The following NUP210 variants were observed in gnomAD, a reference collection of about 807,000 sequenced individuals.
NUP210 encodes the protein nucleoporin 210.
Under a neutral mutation model 196.0 loss-of-function variants are expected in NUP210, and 151 were observed. The ratio of observed to expected loss-of-function variants is 0.77; its 90% CI spans 0.67 to 0.88. The LOEUF (loss-of-function observed/expected upper bound fraction) is 0.88. Ranked by LOEUF, NUP210 falls within the 40% of genes least tolerant of loss-of-function variation. The pLI is 0.00. For synonymous variants in NUP210, 1,070 were observed against 1,052.7 expected, an observed-to-expected ratio of 1.02 and a Z score of -0.32; for missense variants, 2,314 against 2,493.7, an observed-to-expected ratio of 0.93 and a Z score of 1.53.
chr3:13,392,477 A>G lies in NUP210; in HGVS notation c.437-1170T>C, dbSNP rs141556576. ...AGGATTTTGAGCAAATGAAAACTCT[A>G]TGGTTTCCTGAAAATTAATCTGTCT... is the stretch of plus-strand genomic sequence containing the variant. On this transcript the variant is annotated intron_variant, in intron 3 of 39. Coordinates refer to ENST00000254508, the MANE Select transcript of NUP210 (RefSeq NM_024923.4). Among the ~76,000 whole-genome samples, 3 of 152,320 alleles carry G rather than the reference A, an allele frequency of 2.0e-5. No individual in the cohort carries two copies. The East Asian group carries it at 5.8e-4, about 29-fold the overall frequency.
chr3:13,321,457 A>G (rs578157368), intron 36 of NUP210, 128 bp downstream of exon 36: 1 of 1,026,812 alleles, frequency 9.7e-7, no homozygotes, highest in Non-Finnish European at 1.4e-6. Flanking sequence ...CAATTTAAAA[A>G]TTCTAATTGT....
At chr3:13,412,899 A>G (rs1300685392) in intron 1 of NUP210, among the ~76,000 whole-genome samples, 1 of 151,818 alleles carries the variant, frequency 6.6e-6, no homozygotes, top group African/African-American at 2.4e-5. Context: ...TGAACCCAGG[A>G]GGCGGAGCTT....
chr3:13,401,128 A>G (rs9884019), intron 1 of NUP210, among the ~76,000 whole-genome samples: 97,829 of 150,960 alleles, frequency 0.65, 33,146 homozygotes, highest in African/African-American at 0.85. Context: ...GCTTGGTGGC[A>G]GGTACCTGTA....
chr3:13,389,471 G>T (rs543689886), intron 4 of NUP210, among the ~76,000 whole-genome samples: 15 of 152,274 alleles, frequency 9.9e-5, no homozygotes, highest in Non-Finnish European at 1.8e-4. Context: ...GGCTCAGGTG[G>T]GTAACGTTCC....
intron 16 of NUP210, 136 bp downstream of exon 16, chr3:13,358,086 C>T (rs1698243244): frequency 2.8e-6 from 2 of 722,562 alleles, no homozygotes; most frequent in Middle Eastern, 4.1e-4. Context: ...CCTCACAGGG[C>T]CAGTTGTTGA....
intron 1 of NUP210, among the ~76,000 whole-genome samples, chr3:13,418,060 C>T (rs1003186604): frequency 6.6e-6 from 1 of 152,224 alleles, no homozygotes; most frequent in Non-Finnish European, 1.5e-5. Context: ...TGCCCACATA[C>T]TGAGAGGACA....
intron 12 of NUP210, among the ~76,000 whole-genome samples, 184 bp downstream of exon 12, chr3:13,373,534 G>A (rs909498453): frequency 1.2e-4 from 19 of 152,226 alleles, no homozygotes; most frequent in African/African-American, 4.6e-4. Context: ...TGGCTGGTGT[G>A]AGACATCCTG....
chr3:13,319,325 T>A lies in NUP210; in HGVS notation c.5384A>T (p.Tyr1795Phe), dbSNP rs1373322349. 12 of 1,607,032 alleles carry A rather than the reference T, an allele frequency of 7.5e-6. No individual in the cohort carries two copies. The East Asian group carries it at 2.7e-4, about 36-fold the overall frequency. ...FVVDRRGPGP[Y>F]GASLFQHFLD... ...GAAGTGCTGGAAGAGGCTGGCTCCA[T>A]CTGCCATCAATGGGAAGATGAGTTA... is the stretch of plus-strand genomic sequence containing the variant. Residue 1795 changes from tyrosine to phenylalanine, a missense_variant and splice_region_variant, in exon 38 of 40, where the codon TAT becomes TTT. By Grantham distance (22) the Tyr-to-Phe change is conservative. Transcript: ENST00000254508.
At chr3:13,387,039 A>G (rs954103184) in intron 5 of NUP210, among the ~76,000 whole-genome samples, 3 of 152,232 alleles carry the variant, frequency 2.0e-5, no homozygotes, top group Non-Finnish European at 4.4e-5. Context: ...TGTACATTGT[A>G]GAAAAGCGAC....
At chr3:13,416,412 C>T (rs1264280847) in intron 1 of NUP210, among the ~76,000 whole-genome samples, 1 of 152,204 alleles carries the variant, frequency 6.6e-6, no homozygotes, top group Non-Finnish European at 1.5e-5. Context: ...GGTCGCACAA[C>T]ATCCCCTTCC....
intron 1 of NUP210, among the ~76,000 whole-genome samples, chr3:13,419,372 G>C (rs933451939): frequency 1.3e-5 from 2 of 152,122 alleles, no homozygotes; most frequent in African/African-American, 4.8e-5. Context: ...TGGTTTCATG[G>C]GTCCCTGTGG....
At chr3:13,372,173 C>G (rs544356339) in intron 12 of NUP210, 141 bp from the exon 13 acceptor site, 183 of 812,660 alleles carry the variant, frequency 2.3e-4, no homozygotes, top group Middle Eastern at 1.1e-3. Flanking sequence ...TGGGGTGATT[C>G]AGGGACAGAG....
chr3:13,374,272 C>T (rs1419037688), intron 11 of NUP210, among the ~76,000 whole-genome samples: 1 of 152,190 alleles, frequency 6.6e-6, no homozygotes, highest in Non-Finnish European at 1.5e-5. Flanking sequence ...ACCATTCGCA[C>T]CCACGGTACA....
chr3:13,375,688 CA>C, intron 10 of NUP210, 47 bp from the exon 11 acceptor site: 1 of 1,588,340 alleles, frequency 6.3e-7, no homozygotes. Context: ...ACCATGTCAT[CA>C]TCAGTCTTTC....
intron 1 of NUP210, among the ~76,000 whole-genome samples, chr3:13,406,731 A>G (rs1433021104): frequency 6.6e-6 from 1 of 152,200 alleles, no homozygotes; most frequent in East Asian, 1.9e-4. Context: ...CACTCCTCTA[A>G]AAGGACACTT....
At chr3:13,370,016 T>C (rs974189469) in intron 13 of NUP210, among the ~76,000 whole-genome samples, 2 of 152,174 alleles carry the variant, frequency 1.3e-5, no homozygotes, top group Non-Finnish European at 2.9e-5. Context: ...TTACCTAACA[T>C]GGGACCAAAT....
intron 13 of NUP210, among the ~76,000 whole-genome samples, chr3:13,367,156 G>T (rs1166146648): frequency 1.3e-5 from 2 of 148,184 alleles, no homozygotes; most frequent in Non-Finnish European, 1.5e-5. Context: ...TTAATTCACG[G>T]CCGGGCATGG....
intron 13 of NUP210, among the ~76,000 whole-genome samples, chr3:13,369,419 T>C (rs1382625054): frequency 6.6e-6 from 1 of 152,230 alleles, no homozygotes; most frequent in Non-Finnish European, 1.5e-5. Context: ...TTTTTTATTT[T>C]GTTGTAGTCC....
intron 13 of NUP210, among the ~76,000 whole-genome samples, chr3:13,370,678 C>A (rs1322634214): frequency 6.6e-6 from 1 of 152,214 alleles, no homozygotes; most frequent in Admixed American, 6.5e-5. Flanking sequence ...ACTTCATGAG[C>A]TTAGTTTCTC....
Sources: allele counts gnomAD v4.1 joint callset (sites outside exome capture counted in the v4.1 genomes callset), GRCh38; gene constraint gnomAD v4.1.1; transcripts MANE v1.5; gene names NCBI Gene and HGNC (gene_info 2026-07-23, HGNC 2026-07-21).